The following DLC1 variants were observed in gnomAD, a reference collection of about 807,000 sequenced individuals.
The protein encoded by DLC1 is DLC1 Rho GTPase activating protein.
DLC1 carries 54 observed loss-of-function variants against 140.3 expected under a neutral mutation model. That is an observed-to-expected ratio of 0.38 (90% CI 0.31 to 0.48). DLC1 has a LOEUF of 0.48. DLC1 is among the 20% of genes least tolerant of loss of function. The pLI, the probability that DLC1 is intolerant of heterozygous loss-of-function variation, is 0.96. For missense variants in DLC1, 2,536 were observed against 1,907.0 expected, an observed-to-expected ratio of 1.33 and a Z score of -6.14; for synonymous variants, 986 against 728.1, an observed-to-expected ratio of 1.35 and a Z score of -5.70.
chr8:13,368,603 G>A (rs962078682), intron 4 of DLC1, among the ~76,000 whole-genome samples: 1 of 151,596 alleles, frequency 6.6e-6, no homozygotes, highest in African/African-American at 2.4e-5. Flanking sequence ...TTCCATTTGA[G>A]CCACAGTTAT....
At chr8:13,459,555 C>T (rs1472734724) in intron 2 of DLC1, among the ~76,000 whole-genome samples, 1 of 152,160 alleles carries the variant, frequency 6.6e-6, no homozygotes, top group East Asian at 1.9e-4. Flanking sequence ...TTCATTGGAA[C>T]TGCGCTGTGT....
At chr8:13,435,089 C>T (rs1246823704) in intron 2 of DLC1, among the ~76,000 whole-genome samples, 2 of 152,142 alleles carry the variant, frequency 1.3e-5, no homozygotes, top group Non-Finnish European at 2.9e-5. Flanking sequence ...GGAAAGAATT[C>T]ACTATTCTAG....
At chr8:13,391,909 GAA>G (rs1225077743) in intron 4 of DLC1, among the ~76,000 whole-genome samples, 1 of 30,778 alleles carries the variant, frequency 3.2e-5, no homozygotes, top group African/African-American at 1.4e-4. Context: ...TGAAAAAAAA[GAA>G]AAAGCCAATG....
At chr8:13,238,473 A>T (rs927114859) in intron 5 of DLC1, among the ~76,000 whole-genome samples, 7 of 152,010 alleles carry the variant, frequency 4.6e-5, no homozygotes, top group African/African-American at 1.7e-4. Flanking sequence ...CGTTCACGCC[A>T]CTGCACTCCA....
At chr8:13,168,241 C>A (rs373472908) in intron 5 of DLC1, among the ~76,000 whole-genome samples, 7 of 152,004 alleles carry the variant, frequency 4.6e-5, no homozygotes, top group Admixed American at 1.3e-4. Flanking sequence ...AATGGCTTCC[C>A]GAGAAAGAAG....
At chr8:13,302,252 C>T (rs185901062) in intron 5 of DLC1, among the ~76,000 whole-genome samples, 4 of 152,268 alleles carry the variant, frequency 2.6e-5, no homozygotes, top group Admixed American at 2.6e-4. Context: ...GGGATATCCT[C>T]CAACTAGAGT....
chr8:13,356,787 G>A (rs7839254), intron 4 of DLC1, among the ~76,000 whole-genome samples: 9,449 of 152,096 alleles, frequency 0.062, 370 homozygotes, highest in Non-Finnish European at 0.086. Context: ...TGGGGTCTCC[G>A]TACTTCCTGA....
intron 5 of DLC1, among the ~76,000 whole-genome samples, chr8:13,162,116 A>G (rs543759554): frequency 7.2e-5 from 11 of 152,358 alleles, no homozygotes; most frequent in African/African-American, 2.2e-4. Context: ...AACCACTGCT[A>G]TATAGAGTGG....
chr8:13,114,253 T>C (rs1448939178), intron 6 of DLC1, among the ~76,000 whole-genome samples: 1 of 152,136 alleles, frequency 6.6e-6, no homozygotes, highest in Non-Finnish European at 1.5e-5. Context: ...TCCCAGCTAC[T>C]CAGGAGGCTG....
chr8:13,542,290 C>T (rs1803510077), intron 1 of DLC1, among the ~76,000 whole-genome samples: 1 of 152,128 alleles, frequency 6.6e-6, no homozygotes, highest in Non-Finnish European at 1.5e-5. Flanking sequence ...TTTCCAGTAG[C>T]AATTGTTGAA....
chr8:13,147,539 C>T (rs558427444), intron 5 of DLC1, among the ~76,000 whole-genome samples: 2 of 152,262 alleles, frequency 1.3e-5, no homozygotes, highest in African/African-American at 4.8e-5. Context: ...AGCGGGCAGG[C>T]ACTCTTATCT....
intron 2 of DLC1, among the ~76,000 whole-genome samples, chr8:13,447,783 G>C (rs943447415): frequency 3.3e-5 from 5 of 151,980 alleles, no homozygotes; most frequent in African/African-American, 9.7e-5. Context: ...TATTTTTATT[G>C]TTTGTTCTTT....
chr8:13,131,985 G>A (rs1822136167), intron 5 of DLC1, among the ~76,000 whole-genome samples: 1 of 152,222 alleles, frequency 6.6e-6, no homozygotes, highest in South Asian at 2.1e-4. Context: ...GCTCGCCCCA[G>A]GACTCTGGAG....
chr8:13,430,491 C>T (rs1263135885), intron 2 of DLC1, among the ~76,000 whole-genome samples: 1 of 152,092 alleles, frequency 6.6e-6, no homozygotes, highest in African/African-American at 2.4e-5. Flanking sequence ...GTCCAAGAAG[C>T]TATTGCCCTC....
chr8:13,539,779 C>T (rs56380133), intron 1 of DLC1, among the ~76,000 whole-genome samples: 16,312 of 129,228 alleles, frequency 0.13, 1,134 homozygotes, highest in Non-Finnish European at 0.17. Flanking sequence ...TGTGTGTGTA[C>T]ATTTTATAGT....
intron 4 of DLC1, among the ~76,000 whole-genome samples, chr8:13,333,735 T>C (rs998129252): frequency 7.2e-5 from 11 of 152,192 alleles, no homozygotes; most frequent in Non-Finnish European, 1.5e-4. Context: ...ATGGGTTCCC[T>C]AAATGGTTTC....
intron 4 of DLC1, chr8:13,353,274 G>T (rs1834759475): frequency 6.6e-6 from 1 of 152,164 alleles, no homozygotes; most frequent in Non-Finnish European, 1.5e-5. Context: ...ATCATCTAAA[G>T]ATTTTTTTTT....
At chr8:13,175,525 C>A (rs190289855) in intron 5 of DLC1, among the ~76,000 whole-genome samples, 8 of 152,032 alleles carry the variant, frequency 5.3e-5, no homozygotes, top group Non-Finnish European at 1.2e-4. Flanking sequence ...GCTCTCATTT[C>A]TGTCTTGTTT....
rs185702844 is a variant in DLC1 at position 13,578,913 on chromosome 8, G to C, written c.-126+25624C>G. The stretch of plus-strand genomic sequence containing the variant: ...CCATTGCTGACTGACTCAACCTTCC[G>C]CCCTACTCCCCTCCCCAGAGGTTGA... On this transcript the variant is annotated intron_variant, in intron 1 of 1. Coordinates refer to the DLC1 transcript ENST00000631382. 5.3e-5 allele frequency among the ~76,000 whole-genome samples: 8 copies of C among 151,848 alleles called. No homozygotes were observed. The East Asian group carries it at 1.6e-3, about 30-fold the overall frequency.
Sources: gnomAD v4.1 joint callset for allele counts (sites outside exome capture counted in the v4.1 genomes callset) on GRCh38, gnomAD v4.1.1 for gene constraint, MANE v1.5 for transcripts, NCBI Gene and HGNC (gene_info 2026-07-23, HGNC 2026-07-21) for gene names.